SYNE1: variants seen among roughly 807,000 people sequenced by gnomAD.
SYNE1 encodes the protein spectrin repeat containing nuclear envelope protein 1, also known as nesprin-1.
Under a neutral mutation model 1,111.0 loss-of-function variants are expected in SYNE1, and 616 were observed. The ratio of observed to expected loss-of-function variants is 0.55; its 90% confidence interval spans 0.52 to 0.59. SYNE1 has a LOEUF of 0.59. Ranked by LOEUF, SYNE1 falls within the 20% of genes least tolerant of loss-of-function variation. The pLI, the probability that SYNE1 is intolerant of heterozygous loss-of-function variation, is 0.00. For synonymous variants in SYNE1, 3,855 were observed against 3,825.8 expected, an observed-to-expected ratio of 1.01 and a Z score of -0.28; for missense variants, 10,006 against 10,417.0, an observed-to-expected ratio of 0.96 and a Z score of 1.72.
At chr6:152,334,894 G>A (rs35337997) in intron 76 of SYNE1, among the ~76,000 whole-genome samples, 10,916 of 152,176 alleles carry the variant, frequency 0.072, 376 homozygotes, top group East Asian at 0.1. Context: ...CGCCTCTGAC[G>A]GAAACCTTCC....
chr6:152,401,245 G>C lies in SYNE1; in HGVS notation c.6922C>G (p.Gln2308Glu), dbSNP rs2097811536. The C allele has an allele frequency of 1.2e-6, 2 of 1,613,928 alleles. No homozygotes were observed. Among genetic ancestry groups the C allele is most frequent in the African/African-American group, 2.7e-5 (2 of 74,880 alleles). The change falls in exon 47 of 146, where the codon CAA becomes GAA. Residue 2308 changes from glutamine (Q) to glutamate (E), a missense_variant. Physicochemically the swap from Gln to Glu is conservative, Grantham distance 29 (BLOSUM62 2). Around this residue, in one of 7 missense-constraint regions of SYNE1, gnomAD observed 4,955 missense variants for 5,017.2 expected, o/e 0.99. Coordinates refer to ENST00000367255, the MANE Select transcript of SYNE1 (RefSeq NM_182961.4). ...ATGTCATTAATAAACTTCTCCACTT[G>C]TGTACTTTGAGCCGTGAAATCCTTC... ...TLKDFTAQST[Q>E]VEKFINDITT...
chr6:152,540,462 C>T (rs556211929), intron 3 of SYNE1, among the ~76,000 whole-genome samples: 5 of 152,134 alleles, frequency 3.3e-5, no homozygotes, highest in East Asian at 1.9e-4. Context: ...AAGGGTTACA[C>T]AGTAATGCAA....
chr6:152,472,618 G>T (rs1030398270), intron 14 of SYNE1: 1 of 703,500 alleles, frequency 1.4e-6, no homozygotes, highest in Non-Finnish European at 2.6e-6. Flanking sequence ...TGCTGGAACT[G>T]CATCTAATAA....
chr6:152,520,661 T>C (rs1207439254), intron 5 of SYNE1, 119 bp from the exon 6 acceptor site: 1 of 1,122,688 alleles, frequency 8.9e-7, no homozygotes, highest in African/African-American at 1.6e-5. Context: ...GCAACCAACA[T>C]TGTTCACTTT....
intron 40 of SYNE1, among the ~76,000 whole-genome samples, chr6:152,418,590 G>A (rs1383738418): frequency 6.6e-6 from 1 of 152,188 alleles, no homozygotes; most frequent in African/African-American, 2.4e-5. Flanking sequence ...GATATAATGT[G>A]TTGGGGAGTC....
intron 14 of SYNE1, among the ~76,000 whole-genome samples, chr6:152,477,183 A>G (rs1398126508): frequency 6.6e-6 from 1 of 152,200 alleles, no homozygotes; most frequent in Non-Finnish European, 1.5e-5. Context: ...AAAAAAATCA[A>G]TAACTCCCAC....
In SYNE1 at chr6:152,350,216, C is replaced by T; in HGVS notation, c.11853G>A (p.Leu3951=). 1 of 1,614,014 alleles carries T rather than the reference C, an allele frequency of 6.2e-7. No individual in the cohort carries two copies. The highest frequency in any genetic ancestry group is 8.5e-7 in the Non-Finnish European group (1 of 1,180,034). Residue 3951 remains leucine (L), a synonymous_variant, in exon 72 of 146, where the codon CTG becomes CTA. Coordinates refer to ENST00000367255, the MANE Select transcript of SYNE1 (RefSeq NM_182961.4). The part of the protein sequence containing the change: ...MSGRLVAPDL[L]ETSSLETITQ... ...TGATTGTCTCCAGGCTGCTTGTCTC[C>T]AGGAGGTCAGGTGCCACCAGTCTGC... is the stretch of plus-strand genomic sequence containing the variant.
chr6:152,213,642 C>T lies in SYNE1; in HGVS notation c.22464G>A (p.Gln7488=), dbSNP rs750893532. Residue 7488 remains glutamine, a synonymous_variant, in exon 123 of 146, where the codon CAG becomes CAA. Coordinates refer to ENST00000367255, the MANE Select transcript of SYNE1 (RefSeq NM_182961.4). ...GTGCTCTCTGCTGTTCCAAAAGGTG[C>T]TGATAATTTCCTGAAATCTCTACTG... is the stretch of plus-strand genomic sequence containing the variant. ...KLAVEISGNY[Q]HLLEQQRAHE... is the part of the protein sequence containing the mutation. The T allele has an allele frequency of 2.5e-6, 4 of 1,614,096 alleles. No homozygotes were observed. The South Asian group carries it at 4.4e-5, about 18-fold the overall frequency.
At chr6:152,614,341 T>G (rs2099640171) in intron 3 of SYNE1, among the ~76,000 whole-genome samples, 1 of 152,150 alleles carries the variant, frequency 6.6e-6, no homozygotes, top group African/African-American at 2.4e-5. Flanking sequence ...CAGACACTTT[T>G]CAAAAGAAGA....
intron 41 of SYNE1, among the ~76,000 whole-genome samples, 176 bp from the exon 42 acceptor site, chr6:152,413,707 G>C (rs555791001): frequency 6.6e-6 from 1 of 152,182 alleles, no homozygotes; most frequent in South Asian, 2.1e-4. Context: ...AGTTAATTTT[G>C]CAAAATAACT....
rs138731704 is a variant in SYNE1, at chr6:152,492,747, T to C, written c.940-4244A>G. ...CATCACAGATGCTTTAGGTAACTCT[T>C]AGAGTGGAGTGTAAGTCCATACCCT... On this transcript the variant is annotated intron_variant, in intron 11 of 145. Transcript: ENST00000367255. Among the ~76,000 whole-genome samples, 232 of 152,274 alleles carry C rather than the reference T, an allele frequency of 1.5e-3. 2 individuals carry two copies. The highest frequency in any genetic ancestry group is 6.8e-3 in the Middle Eastern group (2 of 294).
chr6:152,547,861 G>A (rs2099321881), intron 3 of SYNE1, among the ~76,000 whole-genome samples: 1 of 151,966 alleles, frequency 6.6e-6, no homozygotes, highest in African/African-American at 2.4e-5. Flanking sequence ...ATTTTTTTAT[G>A]GAGGAATAAT....
intron 127 of SYNE1, among the ~76,000 whole-genome samples, chr6:152,192,246 A>G (rs1288955667): frequency 2.6e-5 from 4 of 152,132 alleles, no homozygotes; most frequent in Admixed American, 6.6e-5. Flanking sequence ...TGTTCTGTAA[A>G]TATCTGTTAG....
chr6:152,183,006 C>T (rs1252824931), intron 128 of SYNE1, among the ~76,000 whole-genome samples: 1 of 152,066 alleles, frequency 6.6e-6, no homozygotes, highest in Non-Finnish European at 1.5e-5. Context: ...GTAGGGCCTA[C>T]TAGAAATGGA....
chr6:152,620,428 C>A (rs1439817337), intron 3 of SYNE1, among the ~76,000 whole-genome samples: 2 of 152,204 alleles, frequency 1.3e-5, no homozygotes, highest in African/African-American at 2.4e-5. Flanking sequence ...CCATTGATCT[C>A]TACAGTTACA....
At chr6:152,317,067 A>G in intron 86 of SYNE1, 81 bp from the exon 87 acceptor site, 1 of 1,528,812 alleles carries the variant, frequency 6.5e-7, no homozygotes, top group South Asian at 1.1e-5. Flanking sequence ...CTCTCTTTGG[A>G]CACAACAGTC....
intron 3 of SYNE1, among the ~76,000 whole-genome samples, chr6:152,615,366 T>A (rs1333115884): frequency 1.3e-5 from 2 of 152,186 alleles, no homozygotes; most frequent in Admixed American, 1.3e-4. Flanking sequence ...TTTGTACAAC[T>A]ATTGTTATCA....
At position 152,224,564 on chromosome 6, in the gene SYNE1, T is replaced by C. The variant is rs771759912; in HGVS notation, c.21452A>G (p.Tyr7151Cys). 2 of 1,613,834 alleles carry C rather than the reference T, an allele frequency of 1.2e-6. No homozygotes were observed. The highest frequency in any genetic ancestry group is 1.1e-5 in the South Asian group (1 of 91,070). ...KINSYLMEAR[Y>C]SLSRFRLLTG... is the part of the protein sequence containing the mutation. ...CAGCAGACGGAATCGGGAAAGAGAGTATCTGGCCTCCATGAGGTAACTGTT... is the reference window on the plus strand; with the variant it reads ...CAGCAGACGGAATCGGGAAAGAGAGCATCTGGCCTCCATGAGGTAACTGTT... Residue 7151 changes from tyrosine to cysteine, a missense_variant, in exon 117 of 146, where the codon TAC becomes TGC. This residue lies in a region of SYNE1 where 2,182 missense variants were observed against 2,287.8 expected (regional missense o/e 0.95). Transcript: ENST00000367255.
intron 40 of SYNE1, among the ~76,000 whole-genome samples, chr6:152,419,129 C>A (rs1178539662): frequency 1.3e-5 from 2 of 152,146 alleles, no homozygotes; most frequent in Non-Finnish European, 2.9e-5. Flanking sequence ...GAGGAAAGAT[C>A]TTTTCACCCC....
Sources: allele counts gnomAD v4.1 joint callset (sites outside exome capture counted in the v4.1 genomes callset), GRCh38; gene constraint gnomAD v4.1.1; regional missense constraint gnomAD v4.1.1; transcripts MANE v1.5; gene names NCBI Gene and HGNC (gene_info 2026-07-23, HGNC 2026-07-21).